Variants in COL22A1 observed in about 807,000 individuals in gnomAD.
COL22A1 encodes collagen alpha-1(XXII) chain.
A neutral mutation model predicts 248.9 loss-of-function variants in COL22A1; 221 were observed. That is an observed-to-expected ratio of 0.89 (90% confidence interval 0.80 to 0.99). The LOEUF is 0.99. Among genes scored for constraint, COL22A1 ranks in the 50% least tolerant of loss-of-function variants. The pLI is 0.00. For synonymous variants in COL22A1, 891 were observed against 793.4 expected, an observed-to-expected ratio of 1.12 and a Z score of -2.07; for missense variants, 2,240 against 2,179.0, an observed-to-expected ratio of 1.03 and a Z score of -0.56.
intron 9 of COL22A1, among the ~76,000 whole-genome samples, chr8:138,808,984 C>A (rs1343572841): frequency 6.6e-6 from 1 of 152,084 alleles, no homozygotes; most frequent in Admixed American, 6.5e-5. Flanking sequence ...AAGTTTTAAA[C>A]CACTGGAAAC....
chr8:138,748,661 C>T (rs1214257076), intron 22 of COL22A1, among the ~76,000 whole-genome samples: 1 of 152,166 alleles, frequency 6.6e-6, no homozygotes, highest in Admixed American at 6.5e-5. Flanking sequence ...CTCTGGATCT[C>T]CTTGTTTTAT....
chr8:138,688,883 T>G (rs1005959778), intron 37 of COL22A1, 34 bp downstream of exon 37: 2 of 1,587,860 alleles, frequency 1.3e-6, no homozygotes, highest in African/African-American at 2.7e-5. Context: ...TTAAGGATAT[T>G]CACTTGTGTG....
In COL22A1 at chr8:138,590,839, A is replaced by G. The variant is rs114039521; in HGVS notation, c.4693+585T>C. On this transcript the variant is annotated intron_variant, in intron 64 of 64. Coordinates refer to ENST00000303045, the MANE Select transcript of COL22A1 (RefSeq NM_152888.3). ...ATGACCAACTTGCCCCAGTTTTCTC[A>G]AGTCATGTCTTGGCTTTAAAACTGA... Among the ~76,000 whole-genome samples the G allele has an allele frequency of 5.1e-3, 773 of 152,288 alleles. 5 individuals are homozygous for G. The highest frequency in any genetic ancestry group is 0.018 in the African/African-American group (744 of 41,560).
In COL22A1 at chr8:138,677,868, C is replaced by T. The variant is rs1825685627; in HGVS notation, c.3073-1233G>A. Among the ~76,000 whole-genome samples the T allele has an allele frequency of 2.6e-5, 4 of 152,226 alleles. No individual in the cohort carries two copies. In the South Asian group the frequency reaches 8.3e-4, roughly 32 times the overall value. On this transcript the variant is annotated intron_variant, in intron 40 of 64. Coordinates refer to ENST00000303045, the MANE Select transcript of COL22A1 (RefSeq NM_152888.3). ...GAGGCCAAGACGGCAGGTGATCTTG[C>T]TCAAGCCACTTAATACCTCTGGAAT...
intron 6 of COL22A1, among the ~76,000 whole-genome samples, chr8:138,822,338 C>G (rs1369288227): frequency 2.0e-5 from 3 of 152,176 alleles, no homozygotes; most frequent in African/African-American, 7.2e-5. Flanking sequence ...ATGTGAGCCA[C>G]CGTGCTCAGC....
chr8:138,760,885 G>A (rs970605900), intron 17 of COL22A1, among the ~76,000 whole-genome samples: 13 of 152,132 alleles, frequency 8.5e-5, no homozygotes, highest in Non-Finnish European at 1.8e-4. Flanking sequence ...GGAGCAGGGC[G>A]TGGGAGCAGC....
chr8:138,738,316 G>C (rs1258801745), intron 22 of COL22A1, among the ~76,000 whole-genome samples: 1 of 152,126 alleles, frequency 6.6e-6, no homozygotes, highest in Non-Finnish European at 1.5e-5. Flanking sequence ...CCTTAAATAG[G>C]GGTAAGGTGT....
At chr8:138,773,965 C>T (rs796551369) in intron 16 of COL22A1, among the ~76,000 whole-genome samples, 16 of 152,316 alleles carry the variant, frequency 1.1e-4, no homozygotes, top group African/African-American at 3.6e-4. Flanking sequence ...AAGACCCCTG[C>T]TCCCTCCAGC....
chr8:138,892,862 G>A (rs1036919311), intron 1 of COL22A1, among the ~76,000 whole-genome samples: 50 of 152,344 alleles, frequency 3.3e-4, no homozygotes, highest in African/African-American at 1.1e-3. Context: ...TGCCCATTGC[G>A]GGTGGGGGCT....
intron 2 of COL22A1, among the ~76,000 whole-genome samples, chr8:138,881,360 TC>T (rs1356351311): frequency 6.6e-6 from 1 of 152,114 alleles, no homozygotes; most frequent in East Asian, 1.9e-4. Context: ...TGTCAACTTT[TC>T]TTTTTTAAGT....
chr8:138,616,802 G>T, intron 54 of COL22A1, 112 bp downstream of exon 54: 2 of 1,225,266 alleles, frequency 1.6e-6, no homozygotes, highest in Non-Finnish European at 2.4e-6. Context: ...TGTGCTCCAC[G>T]TCCTCTCTCG....
chr8:138,599,506 A>T (rs1817829549), intron 60 of COL22A1, among the ~76,000 whole-genome samples: 1 of 151,902 alleles, frequency 6.6e-6, no homozygotes, highest in Non-Finnish European at 1.5e-5. Flanking sequence ...AAAACAAAAC[A>T]AAACAAAAAC....
chr8:138,768,030 C>A (rs961431312), intron 16 of COL22A1, among the ~76,000 whole-genome samples: 1 of 152,210 alleles, frequency 6.6e-6, no homozygotes, highest in South Asian at 2.1e-4. Flanking sequence ...CAGGATGGCC[C>A]AGGTGTCCCT....
intron 30 of COL22A1, among the ~76,000 whole-genome samples, chr8:138,711,312 G>A (rs1278846946): frequency 6.6e-6 from 1 of 152,194 alleles, no homozygotes; most frequent in Admixed American, 6.5e-5. Flanking sequence ...GGCAGAGACA[G>A]GCAAAGCACA....
chr8:138,831,588 A>G (rs1322098050), intron 5 of COL22A1, among the ~76,000 whole-genome samples: 3 of 152,168 alleles, frequency 2.0e-5, no homozygotes, highest in Non-Finnish European at 2.9e-5. Flanking sequence ...CAGGATGAGC[A>G]GGGCACGTGT....
At chr8:138,803,186 T>A (rs888327525) in intron 10 of COL22A1, among the ~76,000 whole-genome samples, 9 of 152,156 alleles carry the variant, frequency 5.9e-5, no homozygotes, top group African/African-American at 2.2e-4. Flanking sequence ...TGCACATTCA[T>A]CCTTGGGAAT....
intron 41 of COL22A1, among the ~76,000 whole-genome samples, chr8:138,664,225 A>G (rs1376986090): frequency 0.021 from 3,053 of 147,480 alleles, 69 homozygotes; most frequent in Non-Finnish European, 0.025. Context: ...ACACACACAC[A>G]CACACACACA....
At chr8:138,658,219 C>T (rs561000127) in intron 44 of COL22A1, among the ~76,000 whole-genome samples, 88 of 152,302 alleles carry the variant, frequency 5.8e-4, no homozygotes, top group Non-Finnish European at 1.1e-3. Context: ...GCTCAGCAGG[C>T]CAGTGTTGTC....
At chr8:138,875,237 T>A (rs1809041576) in intron 3 of COL22A1, among the ~76,000 whole-genome samples, 1 of 152,120 alleles carries the variant, frequency 6.6e-6, no homozygotes, top group Admixed American at 6.5e-5. Context: ...GAAGCCCATG[T>A]TCTGGAGGCA....
Sources: allele counts gnomAD v4.1 joint callset (sites outside exome capture counted in the v4.1 genomes callset), GRCh38; gene constraint gnomAD v4.1.1; transcripts MANE v1.5; gene names NCBI Gene and HGNC (gene_info 2026-07-23, HGNC 2026-07-21).